Variants in NCAPD3 observed in about 807,000 individuals in gnomAD.
NCAPD3 encodes the protein non-SMC condensin II complex subunit D3.
A neutral mutation model predicts 182.9 loss-of-function variants in NCAPD3; 105 were observed. That is an observed-to-expected ratio of 0.57 (90% CI 0.49 to 0.68). The LOEUF is 0.68. NCAPD3 is among the 30% of genes least tolerant of loss of function. NCAPD3 has a pLI of 0.00. For missense variants in NCAPD3, 1,944 were observed against 1,837.0 expected (o/e 1.06, Z -1.07); for synonymous variants, 815 against 679.9 (o/e 1.20, Z -3.09).
intron 11 of NCAPD3, among the ~76,000 whole-genome samples, 170 bp from the exon 12 acceptor site, chr11:134,203,368 T>C (rs1021482260): frequency 6.6e-6 from 1 of 152,186 alleles, no homozygotes; most frequent in Non-Finnish European, 1.5e-5. Flanking sequence ...CGGAGATTCA[T>C]CCTAATACGA....
intron 32 of NCAPD3, 52 bp downstream of exon 32, chr11:134,156,966 C>T (rs187850903): frequency 1.6e-5 from 23 of 1,468,816 alleles, no homozygotes; most frequent in African/African-American, 5.6e-5. Context: ...AAACACATCA[C>T]GAATGCAGGA....
At chr11:134,154,569 TCGCCCC>T (rs1284520181) in intron 32 of NCAPD3, among the ~76,000 whole-genome samples, 3 of 39,984 alleles carry the variant, frequency 7.5e-5, no homozygotes, top group Admixed American at 7.7e-4. Context: ...TGGTGCAGCC[TCGCCCC>T]TCCTGGGTGG....
intron 28 of NCAPD3, among the ~76,000 whole-genome samples, chr11:134,161,239 T>A (rs1453231587): frequency 6.6e-6 from 1 of 152,180 alleles, no homozygotes; most frequent in African/African-American, 2.4e-5. Flanking sequence ...AAGAAAGGTC[T>A]GAGGCCCCAC....
intron 24 of NCAPD3, among the ~76,000 whole-genome samples, chr11:134,174,848 AATATGT>A (rs1311901752): frequency 6.6e-6 from 1 of 152,206 alleles, no homozygotes; most frequent in East Asian, 1.9e-4. Context: ...CTGTCCCATA[AATATGT>A]ATAATTATTA....
chr11:134,168,654 G>A, intron 25 of NCAPD3, 52 bp from the exon 26 acceptor site: 1 of 1,607,526 alleles, frequency 6.2e-7, no homozygotes, highest in Non-Finnish European at 8.5e-7. Context: ...GGGTGTAAGG[G>A]ATTTAACACT....
Position 134,168,931 on chromosome 11 carries a change from G to A in NCAPD3, c.3225C>T (p.Phe1075=), listed in dbSNP as rs745318981. 7.4e-6 allele frequency: 12 copies of A among 1,613,400 alleles called. No individual in the cohort carries two copies. The highest frequency in any genetic ancestry group is 7.6e-6 in the Non-Finnish European group (9 of 1,179,618). ...NYEKHEKYNK[F]PQSEREKRLF... ...GCTTCACTGACCTCTCTGACTGGGG[G>A]AACTTGTTGTACTTCTCATGCTTCT... The change falls in exon 25 of 35, where the codon TTC becomes TTT. Residue 1075 remains phenylalanine (F), a synonymous_variant. Transcript: ENST00000534548.
At chr11:134,181,287 G>T in intron 19 of NCAPD3, 103 bp from the exon 20 acceptor site, 1 of 722,162 alleles carries the variant, frequency 1.4e-6, no homozygotes, top group Non-Finnish European at 2.3e-6. Flanking sequence ...AAATGGATAG[G>T]CTGTAGGGGT....
rs778817363 is a variant in NCAPD3 at position 134,177,210 on chromosome 11, C to T, written c.3021+9G>A. ...AAGGGGAAAGGACAGATTGAACCCC[C>T]CTACGCACCTGCAAGAGATTGGTAA... On this transcript the variant is annotated intron_variant, in intron 23 of 34. Transcript: ENST00000534548. 12 of 1,599,416 alleles carry T rather than the reference C, an allele frequency of 7.5e-6. No individual in the cohort carries two copies. Among genetic ancestry groups the T allele is most frequent in the South Asian group, 1.1e-5 (1 of 90,754 alleles).
intron 1 of NCAPD3, chr11:134,223,505 A>G (rs1194277014): frequency 7.1e-6 from 5 of 701,896 alleles, no homozygotes; most frequent in Non-Finnish European, 1.3e-5. Context: ...AGTTCAAGAA[A>G]TAAGTCTGGC....
chr11:134,177,874 G>C (rs78621937), intron 22 of NCAPD3: 3,742 of 127,730 alleles, frequency 0.029, 161 homozygotes, highest in African/African-American at 0.12. Context: ...AGGAAAGAAT[G>C]CATGTCCCCT....
intron 16 of NCAPD3, among the ~76,000 whole-genome samples, chr11:134,188,647 C>T (rs185509441): frequency 9.5e-4 from 145 of 152,264 alleles, no homozygotes; most frequent in African/African-American, 3.2e-3. Flanking sequence ...CGAAGGTCTG[C>T]GGCCTCACTC....
rs560255689 is a variant in NCAPD3, at chr11:134,176,496, G to A, written c.3022-110C>T. The stretch of plus-strand genomic sequence containing the variant: ...GGTCTGTCCCCGGCACACTGGCTGA[G>A]TGCACAGGCACACACTTCCAAACCG... On this transcript the variant is annotated intron_variant, in intron 23 of 34. Coordinates refer to ENST00000534548, the MANE Select transcript of NCAPD3 (RefSeq NM_015261.3). 1.0e-4 allele frequency: 85 copies of A among 837,320 alleles called. 1 individual carries two copies. The South Asian group carries it at 1.1e-3, about 11-fold the overall frequency. 51.9% of individuals were successfully genotyped at this position (837,320 alleles called of 1,614,324 possible). A position where few individuals can be genotyped will look rare whatever the true frequency, so the allele number is the denominator to read the frequency against.
chr11:134,190,783 G>A (rs1256028408), intron 16 of NCAPD3, among the ~76,000 whole-genome samples: 1 of 152,170 alleles, frequency 6.6e-6, no homozygotes, highest in Non-Finnish European at 1.5e-5. Flanking sequence ...CCTCATAGAT[G>A]GCCCTTTAGT....
At position 134,204,961 on chromosome 11, in the gene NCAPD3, C is replaced by A; in HGVS notation, c.1027G>T (p.Asp343Tyr). The change falls in exon 9 of 35, where the codon GAT becomes TAT. Residue 343 changes from aspartate (D) to tyrosine (Y), a missense_variant. Asp to Tyr is a radical substitution (Grantham distance 160). Around this residue, in one of 3 missense-constraint regions of NCAPD3, gnomAD observed 1,803 missense variants for 1,674.6 expected, o/e 1.08. Coordinates refer to ENST00000534548, the MANE Select transcript of NCAPD3 (RefSeq NM_015261.3). This position sits in a 1 kb window ranked among gnomAD's most constrained non-coding sequence, Gnocchi z 4.3. ...GGGAATATACTCTCCTTTAATTCATCCACAAGGGCGCTTTGTAAAAGAAAA... is the reference window on the plus strand; with the variant it reads ...GGGAATATACTCTCCTTTAATTCATACACAAGGGCGCTTTGTAAAAGAAAA... ...QAVQFISALV[D>Y]ELKESIFPVV... The A allele has an allele frequency of 1.2e-6, 2 of 1,613,510 alleles. No individual in the cohort carries two copies. Among genetic ancestry groups the A allele is most frequent in the Non-Finnish European group, 1.7e-6 (2 of 1,179,512 alleles).
rs1424999369 is a variant in NCAPD3 at position 134,220,703 on chromosome 11, G to A, written c.88C>T (p.Leu30=). 1 of 1,613,774 alleles carries A rather than the reference G, an allele frequency of 6.2e-7. No homozygotes were observed. Among genetic ancestry groups the A allele is most frequent in the African/African-American group, 1.3e-5 (1 of 74,910 alleles). Reference sequence around the variant, plus strand: ...AAAGGCTCAGTCTCTGTGAAATCCAGTTCCCACACTGTGTCAACCCATTCT... The same window carrying A: ...AAAGGCTCAGTCTCTGTGAAATCCAATTCCCACACTGTGTCAACCCATTCT... ...RLEWVDTVWE[L]DFTETEPLDP... The change falls in exon 2 of 35, where the codon CTG becomes TTG. Residue 30 remains leucine, a synonymous_variant. Transcript: ENST00000534548.
At chr11:134,225,362 G>A (rs749692279), upstream of NCAPD3, 1 of 1,612,608 alleles carries the variant, frequency 6.2e-7, no homozygotes, top group Non-Finnish European at 8.5e-7. Context: ...CGACCCCCGG[G>A]ACCCCCTCCC....
chr11:134,186,274 G>A (rs573720535), intron 16 of NCAPD3: 2 of 152,116 alleles, frequency 1.3e-5, no homozygotes, highest in Admixed American at 6.5e-5. Flanking sequence ...ACAGCTCTCT[G>A]TGTAGCCTCC....
At chr11:134,192,550 AAG>A (rs1944544995) in intron 16 of NCAPD3, 137 bp downstream of exon 16, 3 of 701,012 alleles carry the variant, frequency 4.3e-6, no homozygotes, top group Middle Eastern at 4.0e-4. Context: ...CAGTCAGGGA[AAG>A]AGAGACCAAT....
chr11:134,154,387 G>C (rs184788464), intron 32 of NCAPD3, among the ~76,000 whole-genome samples: 71 of 151,926 alleles, frequency 4.7e-4, no homozygotes, highest in African/African-American at 1.6e-3. Flanking sequence ...AGACTCACCT[G>C]TTAGGCTCAG....
Sources: gnomAD v4.1 joint callset for allele counts (sites outside exome capture counted in the v4.1 genomes callset) on GRCh38, gnomAD v4.1.1 for gene constraint, gnomAD v4.1.1 regional missense constraint, Gnocchi (gnomAD v3.1) non-coding constraint, MANE v1.5 for transcripts, NCBI Gene and HGNC (gene_info 2026-07-23, HGNC 2026-07-21) for gene names.